Variants in GRHL2 observed in about 807,000 individuals in gnomAD.
The protein encoded by GRHL2 is grainyhead like transcription factor 2.
In GRHL2, 21 loss-of-function variants were observed where a neutral mutation model predicts 83.8. The observed-to-expected ratio is 0.25, with a 90% CI of 0.18 to 0.36. The LOEUF is 0.36. GRHL2 is among the 10% of genes least tolerant of loss of function. The probability of loss-of-function intolerance (pLI) is 1.00; values close to 1 mark genes in which losing one functional copy is unlikely to be tolerated. For missense variants in GRHL2, 623 were observed against 781.8 expected (o/e 0.80, Z 2.42); for synonymous variants, 280 against 278.9 (o/e 1.00, Z -0.04).
intron 4 of GRHL2, among the ~76,000 whole-genome samples, chr8:101,568,244 T>C (rs1205886209): frequency 2.6e-5 from 4 of 152,242 alleles, no homozygotes; most frequent in Non-Finnish European, 5.9e-5. Context: ...GGGGCTATCA[T>C]ATTGGGCAGC....
At chr8:101,513,405 A>G (rs1386565869) in intron 1 of GRHL2, among the ~76,000 whole-genome samples, 4 of 151,102 alleles carry the variant, frequency 2.6e-5, no homozygotes, top group Non-Finnish European at 4.4e-5. Flanking sequence ...CACTCAGTAA[A>G]TGTTCTCATT....
At chr8:101,511,246 G>A (rs1810458467) in intron 1 of GRHL2, among the ~76,000 whole-genome samples, 1 of 152,080 alleles carries the variant, frequency 6.6e-6, no homozygotes, top group African/African-American at 2.4e-5. Context: ...GAATATACAA[G>A]TGACTAAAGG....
At chr8:101,546,966 G>A (rs1811279899) in intron 2 of GRHL2, among the ~76,000 whole-genome samples, 1 of 152,210 alleles carries the variant, frequency 6.6e-6, no homozygotes, top group Non-Finnish European at 1.5e-5. Context: ...ATATTTCCAA[G>A]ACTGTGTGGA....
At chr8:101,561,721 T>C (rs1811611877) in intron 4 of GRHL2, among the ~76,000 whole-genome samples, 1 of 152,214 alleles carries the variant, frequency 6.6e-6, no homozygotes, top group South Asian at 2.1e-4. Flanking sequence ...TCTAGTGCCA[T>C]TATCCAAATG....
chr8:101,587,809 A>T (rs893603280), intron 7 of GRHL2, among the ~76,000 whole-genome samples: 2 of 152,218 alleles, frequency 1.3e-5, no homozygotes, highest in Admixed American at 1.3e-4. Flanking sequence ...AAAACTATAG[A>T]GCCGGTCTAT....
In GRHL2 at chr8:101,669,167, CTCT is replaced by C. The variant is rs1462523806; in HGVS notation, c.*2469_*2471del. The C allele has an allele frequency of 2.0e-5, 3 of 151,654 alleles. No individual in the cohort carries two copies. Among genetic ancestry groups the C allele is most frequent in the Non-Finnish European group, 4.4e-5 (3 of 67,972 alleles). The allele number at this position is 151,654 out of a possible 1,614,324, so 9.4% of individuals were successfully genotyped here. On this transcript the variant is annotated 3_prime_UTR_variant, in exon 16 of 16. Transcript: ENST00000646743. ...CCAAAGAGATAGGAAAACTTGCCGCCTCTTCTTTTTTGTCCCTTAATCAAACTC... is the reference window on the plus strand; with the variant it reads ...CCAAAGAGATAGGAAAACTTGCCGCCTCTTTTTTGTCCCTTAATCAAACTC...
At chr8:101,601,883 C>T (rs1420919358) in intron 8 of GRHL2, among the ~76,000 whole-genome samples, 1 of 152,144 alleles carries the variant, frequency 6.6e-6, no homozygotes. Flanking sequence ...TGATGGTTTG[C>T]TGCCCCTATC....
intron 8 of GRHL2, among the ~76,000 whole-genome samples, chr8:101,606,855 T>G (rs1812643234): frequency 6.6e-6 from 1 of 152,250 alleles, no homozygotes; most frequent in Non-Finnish European, 1.5e-5. Context: ...AAAATAACTC[T>G]ATGTCCTCAT....
At chr8:101,569,937 C>A (rs1811787971) in intron 4 of GRHL2, among the ~76,000 whole-genome samples, 1 of 152,184 alleles carries the variant, frequency 6.6e-6, no homozygotes, top group Non-Finnish European at 1.5e-5. Context: ...CTTAACCATT[C>A]TACTGTATTG....
intron 8 of GRHL2, among the ~76,000 whole-genome samples, chr8:101,608,676 T>TA (rs1337398638): frequency 2.0e-5 from 3 of 152,068 alleles, no homozygotes; most frequent in Admixed American, 2.0e-4. Flanking sequence ...ACTTACCCTT[T>TA]ACCTAGATTG....
At chr8:101,587,271 T>C (rs910128516) in intron 7 of GRHL2, among the ~76,000 whole-genome samples, 1 of 152,218 alleles carries the variant, frequency 6.6e-6, no homozygotes, top group Non-Finnish European at 1.5e-5. Context: ...CCATGAGCAG[T>C]TAACCAGAAG....
chr8:101,503,874 T>C (rs1810281749), intron 1 of GRHL2, among the ~76,000 whole-genome samples: 1 of 152,270 alleles, frequency 6.6e-6, no homozygotes, highest in Middle Eastern at 3.4e-3. Context: ...AAGTTAACAG[T>C]GGTTTTCTCT....
At chr8:101,561,470 A>G (rs1054733376) in intron 4 of GRHL2, among the ~76,000 whole-genome samples, 2 of 152,374 alleles carry the variant, frequency 1.3e-5, no homozygotes, top group Admixed American at 1.3e-4. Flanking sequence ...AAACCAGGTC[A>G]AAACAGTCCA....
At chr8:101,632,888 T>C (rs763842866) in intron 11 of GRHL2, among the ~76,000 whole-genome samples, 14 of 152,354 alleles carry the variant, frequency 9.2e-5, no homozygotes, top group Middle Eastern at 3.4e-3. Context: ...AATTCCTGTC[T>C]TCTAGTTATA....
chr8:101,613,026 G>A (rs940337366), intron 8 of GRHL2, among the ~76,000 whole-genome samples: 1 of 150,978 alleles, frequency 6.6e-6, no homozygotes, highest in African/African-American at 2.5e-5. Context: ...GGAGGTAAAA[G>A]GCAGCTCTCC....
At chr8:101,497,459 A>G (rs1488515852) in intron 1 of GRHL2, among the ~76,000 whole-genome samples, 5 of 152,250 alleles carry the variant, frequency 3.3e-5, no homozygotes, top group Non-Finnish European at 7.3e-5. Context: ...CCCATTTTCA[A>G]TGAAGTAAAC....
At chr8:101,555,440 A>G (rs1811471122) in intron 3 of GRHL2, among the ~76,000 whole-genome samples, 1 of 151,368 alleles carries the variant, frequency 6.6e-6, no homozygotes, top group South Asian at 2.1e-4. Flanking sequence ...TCGTTATGGC[A>G]ATTTTGTTTG....
At chr8:101,500,349 C>T (rs1810200194) in intron 1 of GRHL2, among the ~76,000 whole-genome samples, 1 of 152,150 alleles carries the variant, frequency 6.6e-6, no homozygotes. Context: ...CAGATTCACC[C>T]TACCATCTAC....
At chr8:101,594,368 C>A (rs148928323) in intron 7 of GRHL2, among the ~76,000 whole-genome samples, 1 of 152,280 alleles carries the variant, frequency 6.6e-6, no homozygotes, top group East Asian at 1.9e-4. Context: ...TTACAACATT[C>A]GGGTTTGAGA....
Sources: allele counts gnomAD v4.1 joint callset (sites outside exome capture counted in the v4.1 genomes callset), GRCh38; gene constraint gnomAD v4.1.1; transcripts MANE v1.5; gene names NCBI Gene and HGNC (gene_info 2026-07-23, HGNC 2026-07-21).